The following AP4E1 variants were observed in gnomAD, a reference collection of about 807,000 sequenced individuals.
AP4E1 encodes the protein AP-4 complex subunit epsilon-1.
AP4E1 carries 56 observed loss-of-function variants against 128.2 expected under a neutral mutation model. The observed-to-expected ratio is 0.44, with a 90% CI of 0.35 to 0.55. The LOEUF (loss-of-function observed/expected upper bound fraction) is 0.55. Among genes scored for constraint, AP4E1 ranks in the 20% least tolerant of loss-of-function variants. The probability of loss-of-function intolerance (pLI) is 0.00; values close to 1 mark genes in which losing one functional copy is unlikely to be tolerated. For missense variants in AP4E1, 1,324 were observed against 1,307.7 expected (o/e 1.01, Z -0.19); for synonymous variants, 484 against 473.1 (o/e 1.02, Z -0.30).
chr15:50,959,084 G>A (rs964618321), intron 14 of AP4E1, among the ~76,000 whole-genome samples: 3 of 152,032 alleles, frequency 2.0e-5, no homozygotes, highest in Non-Finnish European at 2.9e-5. Flanking sequence ...GGTGGTACAT[G>A]CCTGTAATCC....
intron 15 of AP4E1, among the ~76,000 whole-genome samples, chr15:50,982,515 A>G (rs955229814): frequency 6.6e-6 from 1 of 152,174 alleles, no homozygotes; most frequent in African/African-American, 2.4e-5. Flanking sequence ...TATGTATAAA[A>G]AGGTCCTTGG....
At chr15:50,908,159 C>T (rs1393033667), upstream of AP4E1, among the ~76,000 whole-genome samples, 3 of 152,206 alleles carry the variant, frequency 2.0e-5, no homozygotes, top group East Asian at 3.9e-4. Flanking sequence ...CGCGAGTCCC[C>T]GGCACGCGAC....
chr15:50,912,959 G>A (rs2063582621), intron 2 of AP4E1, among the ~76,000 whole-genome samples: 1 of 151,994 alleles, frequency 6.6e-6, no homozygotes, highest in African/African-American at 2.4e-5. Flanking sequence ...GTGAGCCACC[G>A]TGCCTGGCCT....
chr15:50,924,102 T>G, intron 4 of AP4E1, 98 bp downstream of exon 4: 1 of 1,022,006 alleles, frequency 9.8e-7, no homozygotes, highest in East Asian at 2.5e-5. Context: ...TAGAAGAAAG[T>G]GGGCTTGCAG....
intron 15 of AP4E1, among the ~76,000 whole-genome samples, chr15:50,981,438 A>G (rs1203614224): frequency 2.0e-5 from 3 of 152,160 alleles, no homozygotes; most frequent in Non-Finnish European, 4.4e-5. Flanking sequence ...CCACTATTGT[A>G]TTTTGGAAGC....
In AP4E1 at chr15:50,934,653, A is replaced by G. The variant is rs200153804; in HGVS notation, c.899A>G (p.Asp300Gly). The G allele has an allele frequency of 1.9e-6, 3 of 1,609,076 alleles. No individual in the cohort carries two copies. The highest frequency in any genetic ancestry group is 1.7e-6 in the Non-Finnish European group (2 of 1,175,906). ...RTSELMYDVL[D>G]ESLRRAELNH... The stretch of plus-strand genomic sequence containing the variant: ...AGTGAATTAATGTATGATGTTCTTG[A>G]TGAATCCTTACGAAGAGCTGAGTTA... Residue 300 changes from aspartate (D) to glycine (G), a missense_variant, in exon 8 of 21, where the codon GAT becomes GGT. By Grantham distance (94) the Asp-to-Gly change is moderately conservative. Coordinates refer to ENST00000261842, the MANE Select transcript of AP4E1 (RefSeq NM_007347.5).
chr15:50,997,325 G>C lies in AP4E1; in HGVS notation c.2347-1G>C. 6.3e-7 allele frequency: 1 copy of C among 1,586,340 alleles called. No individual in the cohort carries two copies. Among genetic ancestry groups the C allele is most frequent in the Non-Finnish European group, 8.5e-7 (1 of 1,172,538 alleles). ...TATATTATTATGTTTTATTTTTGCA[G>C]CTGGGAAAAGCAGATACTGTCTCTC... On this transcript the variant is annotated splice_acceptor_variant, in intron 17 of 20. Coordinates refer to ENST00000261842, the MANE Select transcript of AP4E1 (RefSeq NM_007347.5). LOFTEE classifies it high-confidence loss of function.
At chr15:50,964,239 G>T (rs1258810119) in intron 14 of AP4E1, among the ~76,000 whole-genome samples, 1 of 151,974 alleles carries the variant, frequency 6.6e-6, no homozygotes, top group East Asian at 1.9e-4. Context: ...TTCAAATTTG[G>T]AGTCTCAGTC....
chr15:50,967,240 A>G (rs1195972669), intron 14 of AP4E1, among the ~76,000 whole-genome samples: 2 of 152,182 alleles, frequency 1.3e-5, no homozygotes, highest in South Asian at 2.1e-4. Flanking sequence ...TAATCTCTGG[A>G]ATTTGTGCTT....
At chr15:50,988,251 C>T (rs1447884076) in intron 16 of AP4E1, among the ~76,000 whole-genome samples, 1 of 152,162 alleles carries the variant, frequency 6.6e-6, no homozygotes, top group African/African-American at 2.4e-5. Context: ...TACCAAACAG[C>T]AGATGTATGT....
At chr15:50,909,067 C>G in intron 1 of AP4E1, 139 bp downstream of exon 1, 1 of 1,370,792 alleles carries the variant, frequency 7.3e-7, no homozygotes, top group South Asian at 1.4e-5. Context: ...GTCGGTTCGT[C>G]CTTTCGTCTG....
At chr15:50,983,592 G>A (rs988511463) in intron 15 of AP4E1, among the ~76,000 whole-genome samples, 2 of 152,158 alleles carry the variant, frequency 1.3e-5, no homozygotes, top group Non-Finnish European at 2.9e-5. Flanking sequence ...GAGATTTTAC[G>A]TTGAGGACTC....
chr15:50,909,294 A>G (rs1055608942), intron 1 of AP4E1, among the ~76,000 whole-genome samples: 1 of 152,214 alleles, frequency 6.6e-6, no homozygotes, highest in African/African-American at 2.4e-5. Context: ...GAAAATACCT[A>G]GTGCGATGGA....
chr15:50,983,370 G>A (rs1289093864), intron 15 of AP4E1, among the ~76,000 whole-genome samples: 1 of 152,076 alleles, frequency 6.6e-6, no homozygotes, highest in African/African-American at 2.4e-5. Context: ...TAATTTCATA[G>A]GCTAGACCTC....
chr15:50,909,291 C>G (rs1374968674), intron 1 of AP4E1, among the ~76,000 whole-genome samples: 1 of 152,166 alleles, frequency 6.6e-6, no homozygotes, highest in East Asian at 1.9e-4. Flanking sequence ...TGTGAAAATA[C>G]CTAGTGCGAT....
chr15:50,999,027 A>C (rs773359428), intron 18 of AP4E1, 45 bp from the exon 19 acceptor site: 1 of 1,569,066 alleles, frequency 6.4e-7, no homozygotes, highest in Non-Finnish European at 8.8e-7. Flanking sequence ...AATAGTCTGT[A>C]TTGATCCCTT....
intron 13 of AP4E1, among the ~76,000 whole-genome samples, chr15:50,950,455 T>C (rs1455032153): frequency 6.6e-6 from 1 of 152,204 alleles, no homozygotes; most frequent in African/African-American, 2.4e-5. Context: ...TACTCATTTA[T>C]CTCTACTATA....
At chr15:50,995,513 G>A (rs1167456317) in intron 17 of AP4E1, among the ~76,000 whole-genome samples, 17 of 151,018 alleles carry the variant, frequency 1.1e-4, no homozygotes, top group Admixed American at 1.1e-3. Flanking sequence ...AGTCTCCCCA[G>A]TAGCTGGGAT....
At position 50,949,575 on chromosome 15, in the gene AP4E1, T is replaced by C. The variant is rs60037205; in HGVS notation, c.1317-251T>C. ...GTTTCTTTCAGTTATTTCACATTTATTTATTGGATGACTGTTTTGTGCAAG... is the reference window on the plus strand; with the variant it reads ...GTTTCTTTCAGTTATTTCACATTTACTTATTGGATGACTGTTTTGTGCAAG... On this transcript the variant is annotated intron_variant, in intron 11 of 20. Transcript: ENST00000261842. Among the ~76,000 whole-genome samples, 2,810 of 152,288 alleles carry C rather than the reference T, an allele frequency of 0.018. 105 individuals are homozygous for C. The highest frequency in any genetic ancestry group is 0.064 in the African/African-American group (2,676 of 41,530).
Sources: gnomAD v4.1 joint callset for allele counts (sites outside exome capture counted in the v4.1 genomes callset) on GRCh38, gnomAD v4.1.1 for gene constraint, MANE v1.5 for transcripts, NCBI Gene and HGNC (gene_info 2026-07-23, HGNC 2026-07-21) for gene names.